The following EPOR variants were observed in gnomAD, a reference collection of about 807,000 sequenced individuals.
EPOR encodes erythropoietin receptor.
EPOR carries 20 observed loss-of-function variants against 34.3 expected under a neutral mutation model. The observed-to-expected ratio is 0.58, with a 90% CI of 0.41 to 0.85. The LOEUF (loss-of-function observed/expected upper bound fraction) is 0.85, where lower values mean the gene tolerates loss of function less well. Ranked by LOEUF, EPOR falls within the 40% of genes least tolerant of loss-of-function variation. The pLI is 0.00. For synonymous variants in EPOR, 312 were observed against 299.0 expected (o/e 1.04, Z -0.45); for missense variants, 601 against 672.7 (o/e 0.89, Z 1.18).
chr19:11,381,868 G>C lies in EPOR; in HGVS notation c.428-19C>G, dbSNP rs1160382553. 6.2e-7 allele frequency: 1 copy of C among 1,614,198 alleles called. No individual in the cohort carries two copies. The highest frequency in any genetic ancestry group is 8.5e-7 in the Non-Finnish European group (1 of 1,180,014). On this transcript the variant is annotated intron_variant, in intron 3 of 7. Coordinates refer to ENST00000222139, the MANE Select transcript of EPOR (RefSeq NM_000121.4). The surrounding 1 kb of genome is among the most constrained non-coding windows in gnomAD (Gnocchi z 5.3). ...AGGAGCACTGCAGGCATGGGGGTTGGTCAGGTGGGCGAGGACTGAGACCCT... is the reference window on the plus strand; with the variant it reads ...AGGAGCACTGCAGGCATGGGGGTTGCTCAGGTGGGCGAGGACTGAGACCCT...
Position 11,381,612 on chromosome 19 carries a change from C to T in EPOR, c.585+80G>A. The T allele has an allele frequency of 1.5e-5, 22 of 1,466,118 alleles. No homozygotes were observed. Among genetic ancestry groups the T allele is most frequent in the Non-Finnish European group, 2.0e-5 (22 of 1,080,914 alleles). The allele number at this position is 1,466,118 out of a possible 1,614,324, so 90.8% of individuals were successfully genotyped here. On this transcript the variant is annotated intron_variant, in intron 4 of 7. Coordinates refer to ENST00000222139, the MANE Select transcript of EPOR (RefSeq NM_000121.4). This position sits in a 1 kb window ranked among gnomAD's most constrained non-coding sequence, Gnocchi z 5.3. Reference sequence around the variant, plus strand: ...TGTTACGGACCGGCCCTGAAAGCGGCACCGGGCGCGACCTCGAGAGGCGTG... The same window carrying T: ...TGTTACGGACCGGCCCTGAAAGCGGTACCGGGCGCGACCTCGAGAGGCGTG...
Position 11,383,229 on chromosome 19 carries a change from G to C in EPOR, c.119C>G (p.Ala40Gly), listed in dbSNP as rs780705663. 15 of 1,596,606 alleles carry C rather than the reference G, an allele frequency of 9.4e-6. No homozygotes were observed. In the East Asian group the frequency reaches 2.9e-4, roughly 31 times the overall value. Residue 40 changes from alanine (A) to glycine (G), a missense_variant, in exon 2 of 8, where the codon GCC (alanine) becomes GGC (glycine). Transcript: ENST00000222139. The surrounding 1 kb of genome is among the most constrained non-coding windows in gnomAD (Gnocchi z 4.9). ...LPDPKFESKA[A>G]LLAARGPEEL... is the part of the protein sequence containing the mutation. ...TTCGGGCCCCCGGGCCGCCAGCAAG[G>C]CCGCTGGGGAGGGGCGACAAAGGAA... is the stretch of plus-strand genomic sequence containing the variant.
chr19:11,377,629 T>A lies in EPOR; in HGVS notation c.*355A>T, dbSNP rs974040661. 1 of 481,474 alleles carries A rather than the reference T, an allele frequency of 2.1e-6. No individual in the cohort carries two copies. The highest frequency in any genetic ancestry group is 2.0e-5 in the African/African-American group (1 of 51,140). 29.8% of individuals were successfully genotyped at this position (481,474 alleles called of 1,614,324 possible). ...AGAGCTGTTTAACATACTATTTTGT[T>A]ATGTTATGAGTAGCATTCAGATTGC... On this transcript the variant is annotated 3_prime_UTR_variant, in exon 8 of 8. Coordinates refer to ENST00000222139, the MANE Select transcript of EPOR (RefSeq NM_000121.4).
chr19:11,382,361 C>CTT (rs869111819), intron 2 of EPOR, among the ~76,000 whole-genome samples: 114 of 124,878 alleles, frequency 9.1e-4, no homozygotes, highest in African/African-American at 2.6e-3. Flanking sequence ...CCACGCCTGG[C>CTT]TTTTTTTTTT....
Position 11,383,128 on chromosome 19 carries a change from G to A in EPOR, c.220C>T (p.Pro74Ser). 1 of 1,613,664 alleles carries A rather than the reference G, an allele frequency of 6.2e-7. No individual in the cohort carries two copies. Among genetic ancestry groups the A allele is most frequent in the Non-Finnish European group, 8.5e-7 (1 of 1,179,950 alleles). The change falls in exon 2 of 8, where the codon CCG (proline) becomes TCG (serine). Residue 74 changes from proline to serine, a missense_variant. Transcript: ENST00000222139. This position sits in a 1 kb window ranked among gnomAD's most constrained non-coding sequence, Gnocchi z 4.9. ...TGGTAGGAGAAGCTGTAGTTGCCCGGGCCCACCCCAGCGCTCGCCGCTTCC... is the reference window on the plus strand; with the variant it reads ...TGGTAGGAGAAGCTGTAGTTGCCCGAGCCCACCCCAGCGCTCGCCGCTTCC... ...WEEAASAGVGPGNYSFSYQLE... is the reference protein window; with the variant it reads ...WEEAASAGVGSGNYSFSYQLE...
At chr19:11,380,814 A>C (rs2144696649) in intron 6 of EPOR, 70 bp downstream of exon 6, 1 of 1,259,874 alleles carries the variant, frequency 7.9e-7, no homozygotes, top group Non-Finnish European at 1.1e-6. Flanking sequence ...CTCTGAGCCT[A>C]GGTTTCCATA....
Position 11,382,089 on chromosome 19 carries a change from G to A in EPOR, c.268C>T (p.Leu90=), listed in dbSNP as rs755199795. ...SYQLEDEPWK[L]CRLHQAPTAR... is the part of the protein sequence containing the mutation. Reference sequence around the variant, plus strand: ...GTGGGAGCCTGGTGCAGGCGACACAGCTTCCATGGCTCATCCCTATGCGCC... The same window carrying A: ...GTGGGAGCCTGGTGCAGGCGACACAACTTCCATGGCTCATCCCTATGCGCC... The change falls in exon 3 of 8, where the codon CTG becomes TTG. Residue 90 remains leucine, a synonymous_variant. Transcript: ENST00000222139. 1.4e-5 allele frequency: 22 copies of A among 1,613,700 alleles called. No individual in the cohort carries two copies. The highest frequency in any genetic ancestry group is 1.9e-5 in the Non-Finnish European group (22 of 1,179,840).
chr19:11,383,566 C>T lies in EPOR; in HGVS notation c.116-334G>A. ...ACACGCGCGCGGCTGGGGGTGTGTG[C>T]GGAGAGGCGGGCCCCCTATCGGCCC... On this transcript the variant is annotated intron_variant, in intron 1 of 7. Coordinates refer to ENST00000222139, the MANE Select transcript of EPOR (RefSeq NM_000121.4). The surrounding 1 kb of genome is among the most constrained non-coding windows in gnomAD (Gnocchi z 4.9). 1 of 293,100 alleles carries T rather than the reference C, an allele frequency of 3.4e-6. No individual in the cohort carries two copies. Among genetic ancestry groups the T allele is most frequent in the Non-Finnish European group, 6.5e-6 (1 of 154,590 alleles). 18.2% of individuals were successfully genotyped at this position (293,100 alleles called of 1,614,324 possible). A position where few individuals can be genotyped will look rare whatever the true frequency, so the allele number is the denominator to read the frequency against.
At position 11,381,657 on chromosome 19, in the gene EPOR, A is replaced by AGCTTTGGGGGCTGG; in HGVS notation, c.585+21_585+34dup. 1 of 1,572,402 alleles carries AGCTTTGGGGGCTGG rather than the reference A, an allele frequency of 6.4e-7. No individual in the cohort carries two copies. Among genetic ancestry groups the AGCTTTGGGGGCTGG allele is most frequent in the South Asian group, 1.2e-5 (1 of 86,762 alleles). On this transcript the variant is annotated intron_variant, in intron 4 of 7. Transcript: ENST00000222139. This position sits in a 1 kb window ranked among gnomAD's most constrained non-coding sequence, Gnocchi z 5.3. Reference sequence around the variant, plus strand: ...GGCGTGGCTGGGCCGTAGTCAGTGGAGCTTTGGGGGCTGGGCCGTAGGGGC... The same window carrying AGCTTTGGGGGCTGG: ...GGCGTGGCTGGGCCGTAGTCAGTGGAGCTTTGGGGGCTGGGCTTTGGGGGCTGGGCCGTAGGGGC...
In EPOR at chr19:11,383,115, C is replaced by G. The variant is rs140267472; in HGVS notation, c.233G>C (p.Ser78Thr). ...GACTCACTCGAGCTGGTAGGAGAAG[C>G]TGTAGTTGCCCGGGCCCACCCCAGC... ...ASAGVGPGNY[S>T]FSYQLEDEPW... Residue 78 changes from serine to threonine, a missense_variant, in exon 2 of 8, where the codon AGC becomes ACC. Physicochemically the swap from Ser to Thr is moderately conservative, Grantham distance 58. Transcript: ENST00000222139. The surrounding 1 kb of genome is among the most constrained non-coding windows in gnomAD (Gnocchi z 4.9). 9.4e-5 allele frequency: 152 copies of G among 1,613,752 alleles called. No homozygotes were observed. In the African/African-American group the frequency reaches 1.8e-3, roughly 19 times the overall value.
chr19:11,380,940 G>A lies in EPOR; in HGVS notation c.771C>T (p.Leu257=). ...GCAGCACCAGGATGACCACGAGGAT[G>A]AGGGAGAGCGTCAGGATGAGGGGGT... The part of the protein sequence containing the change: ...DLDPLILTLS[L]ILVVILVLLT... The change falls in exon 6 of 8, where the codon CTC becomes CTT. Residue 257 remains leucine (L), a synonymous_variant. Coordinates refer to ENST00000222139, the MANE Select transcript of EPOR (RefSeq NM_000121.4). The A allele has an allele frequency of 1.3e-6, 2 of 1,552,208 alleles. No individual in the cohort carries two copies. Among genetic ancestry groups the A allele is most frequent in the South Asian group, 1.2e-5 (1 of 84,094 alleles).
chr19:11,377,386 C>A lies in EPOR; in HGVS notation c.*598G>T, dbSNP rs746137508. The A allele has an allele frequency of 2.2e-6, 1 of 454,070 alleles. No individual in the cohort carries two copies. Among genetic ancestry groups the A allele is most frequent in the Non-Finnish European group, 4.4e-6 (1 of 226,790 alleles). The allele number at this position is 454,070 out of a possible 1,614,324, so 28.1% of individuals were successfully genotyped here. The stretch of plus-strand genomic sequence containing the variant: ...AGAAGAGAGGAAGCCCATTTCCAGG[C>A]CAGATCCCTCAAATGGCCCATTGAG... On this transcript the variant is annotated 3_prime_UTR_variant, in exon 8 of 8. Coordinates refer to ENST00000222139, the MANE Select transcript of EPOR (RefSeq NM_000121.4).
In EPOR at chr19:11,383,612, G is replaced by T. The variant is rs1395954676; in HGVS notation, c.116-380C>A. The T allele has an allele frequency of 4.2e-6, 1 of 238,136 alleles. No homozygotes were observed. The highest frequency in any genetic ancestry group is 2.3e-5 in the African/African-American group (1 of 43,104). 14.8% of individuals were successfully genotyped at this position (238,136 alleles called of 1,614,324 possible). A position where few individuals can be genotyped will look rare whatever the true frequency, so the allele number is the denominator to read the frequency against. ...GGCCCCGGCAGGCTCCCCGCCAACC[G>T]ATAGCGCCAACCGTGCCCCCCGCCT... is the stretch of plus-strand genomic sequence containing the variant. On this transcript the variant is annotated intron_variant, in intron 1 of 7. Transcript: ENST00000222139. This position sits in a 1 kb window ranked among gnomAD's most constrained non-coding sequence, Gnocchi z 4.9.
rs760118478 is a variant in EPOR at position 11,383,064 on chromosome 19, C to T, written c.251+33G>A. 8 of 1,612,872 alleles carry T rather than the reference C, an allele frequency of 5.0e-6. No homozygotes were observed. The South Asian group carries it at 6.6e-5, about 13-fold the overall frequency. ...GGAGCTCTGCCCCACCCCCTCCCTC[C>T]GCCCTTGGAGGCACCCGCCGGATCG... On this transcript the variant is annotated intron_variant, in intron 2 of 7. Coordinates refer to ENST00000222139, the MANE Select transcript of EPOR (RefSeq NM_000121.4). The surrounding 1 kb of genome is among the most constrained non-coding windows in gnomAD (Gnocchi z 4.9).
chr19:11,384,127 C>T lies in EPOR; in HGVS notation c.81G>A (p.Pro27=). 6.5e-7 allele frequency: 1 copy of T among 1,550,164 alleles called. No homozygotes were observed. Residue 27 remains proline, a synonymous_variant, in exon 1 of 8, where the codon CCG becomes CCA. Coordinates refer to ENST00000222139, the MANE Select transcript of EPOR (RefSeq NM_000121.4). ...LLLAGAAWAP[P]PNLPDPKFES... ...CGAACTTGGGGTCCGGGAGGTTAGG[C>T]GGGGGCGCCCAGGCGGCCCCAGCGA...
intron 6 of EPOR, among the ~76,000 whole-genome samples, chr19:11,380,069 T>C (rs1295531206): frequency 6.6e-6 from 1 of 152,258 alleles, no homozygotes; most frequent in Non-Finnish European, 1.5e-5. Context: ...GCCTTTGCAC[T>C]TGCTGTTTCT....
In EPOR at chr19:11,381,975, A is replaced by C; in HGVS notation, c.382T>G (p.Ser128Ala). The C allele has an allele frequency of 1.2e-6, 2 of 1,614,210 alleles. No individual in the cohort carries two copies. Among genetic ancestry groups the C allele is most frequent in the Non-Finnish European group, 1.7e-6 (2 of 1,180,024 alleles). ...ACACGGTGATATCGCGGAGCGCCGG[A>C]GGCTGCTGTGACGCGCAACTCTAGG... ...VPLELRVTAA[S>A]GAPRYHRVIH... The change falls in exon 3 of 8, where the codon TCC becomes GCC. Residue 128 changes from serine to alanine, a missense_variant. Transcript: ENST00000222139. This position sits in a 1 kb window ranked among gnomAD's most constrained non-coding sequence, Gnocchi z 5.3.
chr19:11,383,343 C>T lies in EPOR; in HGVS notation c.116-111G>A, dbSNP rs375796660. The T allele has an allele frequency of 7.4e-5, 83 of 1,119,316 alleles. No individual in the cohort carries two copies. In the East Asian group the frequency reaches 1.4e-3, roughly 19 times the overall value. The allele number at this position is 1,119,316 out of a possible 1,614,324, so 69.3% of individuals were successfully genotyped here. Reference sequence around the variant, plus strand: ...GGCGGACCCGATAAGAAAAAAGCCCCGCCCTGCCATCTTCCCAAGCGGGTC... The same window carrying T: ...GGCGGACCCGATAAGAAAAAAGCCCTGCCCTGCCATCTTCCCAAGCGGGTC... On this transcript the variant is annotated intron_variant, in intron 1 of 7. Coordinates refer to ENST00000222139, the MANE Select transcript of EPOR (RefSeq NM_000121.4). This position sits in a 1 kb window ranked among gnomAD's most constrained non-coding sequence, Gnocchi z 4.9.
rs567946217 is a variant in EPOR, at chr19:11,381,254, G to A, written c.586-45C>T. The stretch of plus-strand genomic sequence containing the variant: ...GAGGGACGCGTAGCAGACAAAAATA[G>A]ATGACGTGGGGGCGGGCCCTGGTGG... On this transcript the variant is annotated intron_variant, in intron 4 of 7. Coordinates refer to ENST00000222139, the MANE Select transcript of EPOR (RefSeq NM_000121.4). The surrounding 1 kb of genome is among the most constrained non-coding windows in gnomAD (Gnocchi z 5.3). 6.5e-7 allele frequency: 1 copy of A among 1,545,864 alleles called. No homozygotes were observed. The highest frequency in any genetic ancestry group is 1.2e-5 in the South Asian group (1 of 83,920).
Sources: allele counts gnomAD v4.1 joint callset (sites outside exome capture counted in the v4.1 genomes callset), GRCh38; gene constraint gnomAD v4.1.1; non-coding constraint Gnocchi (gnomAD v3.1); transcripts MANE v1.5; gene names NCBI Gene and HGNC (gene_info 2026-07-23, HGNC 2026-07-21).